MTMR1: variants seen among roughly 807,000 people sequenced by gnomAD.
MTMR1 encodes the protein phosphatidylinositol-3-phosphate phosphatase MTMR1.
Under a neutral mutation model 51.6 loss-of-function variants are expected in MTMR1, and 17 were observed. The observed-to-expected ratio is 0.33, with a 90% CI of 0.23 to 0.49. The LOEUF (loss-of-function observed/expected upper bound fraction) is 0.49, where lower values mean the gene tolerates loss of function less well. Among genes scored for constraint, MTMR1 ranks in the 20% least tolerant of loss-of-function variants. MTMR1 has a pLI of 0.99. For missense variants in MTMR1, 386 were observed against 526.9 expected (o/e 0.73, Z 2.62); for synonymous variants, 201 against 205.6 (o/e 0.98, Z 0.19).
Position 150,737,318 on chromosome X carries a change from A to G in MTMR1, c.1343A>G (p.Asp448Gly). Residue 448 changes from aspartate (D) to glycine (G), a missense_variant, in exon 12 of 16, where the codon GAC becomes GGC. Transcript: ENST00000445323. ...GKTSVVVHCSDGWDRTAQLTS... is the reference protein window; with the variant it reads ...GKTSVVVHCSGGWDRTAQLTS... ...ACATCTGTGGTGGTGCATTGCAGCG[A>G]CGGTTGGGACCGAACAGCCCAGCTC... 1 of 1,211,623 alleles carries G rather than the reference A, an allele frequency of 8.3e-7. No homozygotes were observed. Among genetic ancestry groups the G allele is most frequent in the Non-Finnish European group, 1.1e-6 (1 of 895,363 alleles).
chrX:150,750,558 A>T (rs1316888118), intron 13 of MTMR1, among the ~76,000 whole-genome samples, 172 bp from the exon 14 acceptor site: 1 of 112,187 alleles, frequency 8.9e-6, no homozygotes, highest in Non-Finnish European at 1.9e-5. Context: ...TCTCAGCCAG[A>T]TCTATAAGTT....
chrX:150,758,428 C>T (rs1007971347), intron 15 of MTMR1, among the ~76,000 whole-genome samples: 5 of 112,373 alleles, frequency 4.4e-5, no homozygotes, highest in South Asian at 3.6e-4. Context: ...CAGCTCCCCA[C>T]GCCCTCTGCC....
At chrX:150,703,331 C>T (rs950163215) in intron 2 of MTMR1, among the ~76,000 whole-genome samples, 1 of 112,116 alleles carries the variant, frequency 8.9e-6, no homozygotes, top group Non-Finnish European at 1.9e-5. Context: ...TTATTCACCT[C>T]TAAATGCCTT....
In MTMR1 at chrX:150,755,879, T is replaced by C; in HGVS notation, c.1857+14T>C. On this transcript the variant is annotated intron_variant, in intron 15 of 15. Coordinates refer to ENST00000445323, the MANE Select transcript of MTMR1 (RefSeq NM_001306144.3). Reference sequence around the variant, plus strand: ...ATGAGACCTCAGGTATCTTTTTGTTTTTCTTTTCATGAATGAGAGAGTTTG... The same window carrying C: ...ATGAGACCTCAGGTATCTTTTTGTTCTTCTTTTCATGAATGAGAGAGTTTG... 8.5e-7 allele frequency: 1 copy of C among 1,171,603 alleles called. No homozygotes were observed. Among genetic ancestry groups the C allele is most frequent in the East Asian group, 3.0e-5 (1 of 33,549 alleles).
chrX:150,728,168 G>A (rs1307206817), intron 6 of MTMR1, among the ~76,000 whole-genome samples: 4 of 111,898 alleles, frequency 3.6e-5, no homozygotes, highest in African/African-American at 1.3e-4. Flanking sequence ...AACTAATACA[G>A]TGTAAACACT....
At chrX:150,757,882 G>A (rs1476311829) in intron 15 of MTMR1, among the ~76,000 whole-genome samples, 1 of 110,827 alleles carries the variant, frequency 9.0e-6, no homozygotes, top group Non-Finnish European at 1.9e-5. Flanking sequence ...CCAAACTAGC[G>A]TACTTTGAGA....
intron 4 of MTMR1, among the ~76,000 whole-genome samples, chrX:150,721,013 T>C (rs148380068): frequency 0.052 from 5,764 of 111,657 alleles, 231 homozygotes; most frequent in African/African-American, 0.13. Context: ...CAGGAATTGA[T>C]GTTAGATTTT....
In MTMR1 at chrX:150,727,253, G is replaced by C; in HGVS notation, c.391G>C (p.Val131Leu). Reference protein sequence around the residue: ...VMYICPFMGAVSGTLTVTDFK... With the variant: ...VMYICPFMGALSGTLTVTDFK... ...GTATATCTGCCCATTTATGGGAGCA[G>C]TGAGTGGAACCCTGACAGTGACGGA... Residue 131 changes from valine (V) to leucine (L), a missense_variant, in exon 5 of 16, where the codon GTG becomes CTG. By Grantham distance (32) the Val-to-Leu change is conservative. Transcript: ENST00000445323. 1 of 1,210,520 alleles carries C rather than the reference G, an allele frequency of 8.3e-7. No homozygotes were observed. Among genetic ancestry groups the C allele is most frequent in the Non-Finnish European group, 1.1e-6 (1 of 894,691 alleles).
chrX:150,735,328 C>T (rs983879109), intron 10 of MTMR1: 4 of 329,674 alleles, frequency 1.2e-5, no homozygotes, highest in African/African-American at 2.7e-5. Context: ...TAAATCCCAC[C>T]CGTTCATGGT....
intron 3 of MTMR1, among the ~76,000 whole-genome samples, chrX:150,716,045 C>G (rs985732788): frequency 2.7e-5 from 3 of 112,518 alleles, no homozygotes; most frequent in Non-Finnish European, 5.6e-5. Context: ...GTGGCTTGCT[C>G]TAAATAGAGA....
intron 15 of MTMR1, among the ~76,000 whole-genome samples, chrX:150,757,809 C>G (rs1213523584): frequency 8.9e-6 from 1 of 112,036 alleles, no homozygotes; most frequent in Non-Finnish European, 1.9e-5. Context: ...TGCCCTGGAG[C>G]CTTTCCCGTT....
chrX:150,733,303 T>A (rs183388368), intron 10 of MTMR1, among the ~76,000 whole-genome samples: 1 of 111,773 alleles, frequency 8.9e-6, no homozygotes, highest in African/African-American at 3.2e-5. Context: ...CTTCCCAGTC[T>A]TCAAATGGCA....
intron 14 of MTMR1, among the ~76,000 whole-genome samples, chrX:150,755,257 C>T (rs2042872652): frequency 9.0e-6 from 1 of 111,419 alleles, no homozygotes; most frequent in Non-Finnish European, 1.9e-5. Flanking sequence ...GTTGCCCAGG[C>T]TAGTCTCAAA....
rs1758265061 is a variant in MTMR1 at position 150,764,391 on chromosome X, C to T, written c.*1662C>T. 1 of 111,693 alleles carries T rather than the reference C, an allele frequency of 9.0e-6. No individual in the cohort carries two copies. The highest frequency in any genetic ancestry group is 3.3e-5 in the African/African-American group (1 of 30,649). The allele number at this position is 111,693 out of a possible 1,213,427, so 9.2% of individuals were successfully genotyped here. ...TCATATGTGGGATTTGTTGCTAAGT[C>T]GTGTTCAACAATAGCTTTTATGTTC... On this transcript the variant is annotated 3_prime_UTR_variant, in exon 16 of 16. Transcript: ENST00000445323.
intron 15 of MTMR1, among the ~76,000 whole-genome samples, chrX:150,760,180 T>C (rs1397412421): frequency 1.2e-4 from 13 of 108,474 alleles, no homozygotes; most frequent in African/African-American, 3.9e-4. Flanking sequence ...AACAGGCATG[T>C]GTCGGACACC....
intron 12 of MTMR1, among the ~76,000 whole-genome samples, chrX:150,742,598 C>T (rs1314816993): frequency 3.0e-4 from 33 of 110,360 alleles, no homozygotes; most frequent in Non-Finnish European, 4.0e-4. Context: ...GGGCGGATCA[C>T]GAGGTCAGGA....
chrX:150,704,574 T>G (rs984976860), intron 2 of MTMR1, among the ~76,000 whole-genome samples: 1 of 111,801 alleles, frequency 8.9e-6, no homozygotes, highest in African/African-American at 3.3e-5. Flanking sequence ...GGCACCCCTT[T>G]TTCTCTCAGC....
In MTMR1 at chrX:150,693,455, G is replaced by A; in HGVS notation, c.-76G>A. The stretch of plus-strand genomic sequence containing the variant: ...GGCGGTATAGAGCGGGCGGCAGGAG[G>A]CAAGCAGCGAAACCTTCCCGGCCGC... On this transcript the variant is annotated 5_prime_UTR_variant, in exon 1 of 16. Coordinates refer to ENST00000445323, the MANE Select transcript of MTMR1 (RefSeq NM_001306144.3). The A allele has an allele frequency of 5.3e-6, 4 of 758,378 alleles. No homozygotes were observed. Among genetic ancestry groups the A allele is most frequent in the Non-Finnish European group, 6.2e-6 (4 of 641,993 alleles). The allele number at this position is 758,378 out of a possible 1,213,427, so 62.5% of individuals were successfully genotyped here.
In MTMR1 at chrX:150,700,755, C is replaced by T. The variant is rs956813876; in HGVS notation, c.252+1455C>T. Among the ~76,000 whole-genome samples, 10 of 112,430 alleles carry T rather than the reference C, an allele frequency of 8.9e-5. No homozygotes were observed. The Admixed American group carries it at 9.4e-4, about 11-fold the overall frequency. On this transcript the variant is annotated intron_variant, in intron 2 of 15. Coordinates refer to ENST00000445323, the MANE Select transcript of MTMR1 (RefSeq NM_001306144.3). ...TTAGCAGAGAATAGCTCTCACACTTCGGGGTGATTTTCTTTATGGACAATT... is the reference window on the plus strand; with the variant it reads ...TTAGCAGAGAATAGCTCTCACACTTTGGGGTGATTTTCTTTATGGACAATT...
Sources: gnomAD v4.1 joint callset for allele counts (sites outside exome capture counted in the v4.1 genomes callset) on GRCh38, gnomAD v4.1.1 for gene constraint, MANE v1.5 for transcripts, NCBI Gene and HGNC (gene_info 2026-07-23, HGNC 2026-07-21) for gene names.